The following PATJ variants were observed in gnomAD, a reference collection of about 807,000 sequenced individuals.
PATJ encodes the protein PATJ crumbs cell polarity complex component, also known as inaD-like protein.
A neutral mutation model predicts 224.9 loss-of-function variants in PATJ; 190 were observed. That is an observed-to-expected ratio of 0.84 (90% CI 0.75 to 0.95). The LOEUF (loss-of-function observed/expected upper bound fraction) is 0.95. Among genes scored for constraint, PATJ ranks in the 40% least tolerant of loss-of-function variants. The pLI is 0.00. For missense variants in PATJ, 2,121 were observed against 2,270.3 expected (o/e 0.93, Z 1.34); for synonymous variants, 769 against 820.3 (o/e 0.94, Z 1.07).
At chr1:61,960,823 G>A (rs1054413687) in intron 27 of PATJ, among the ~76,000 whole-genome samples, 1 of 151,956 alleles carries the variant, frequency 6.6e-6, no homozygotes, top group Admixed American at 6.6e-5. Flanking sequence ...CAGTGCTCTT[G>A]GCTTCATCCA....
intron 28 of PATJ, among the ~76,000 whole-genome samples, chr1:62,011,647 T>G (rs1342379444): frequency 6.6e-6 from 1 of 151,052 alleles, no homozygotes; most frequent in Non-Finnish European, 1.5e-5. Context: ...AGACAGGAAG[T>G]CAGCACATGC....
Position 61,938,571 on chromosome 1 carries a change from TG to T in PATJ, c.3670+10743del, listed in dbSNP as rs901544541. Among the ~76,000 whole-genome samples, 24 of 152,202 alleles carry T rather than the reference TG, an allele frequency of 1.6e-4. No homozygotes were observed. In the South Asian group the frequency reaches 3.3e-3, roughly 21 times the overall value. The stretch of plus-strand genomic sequence containing the variant: ...AAAAAACAAACTAACAGTAATAGGC[TG>T]TGTGTGGTGGCTCACACCTGTAATT... On this transcript the variant is annotated intron_variant, in intron 27 of 43. Coordinates refer to ENST00000642238, the MANE Select transcript of PATJ (RefSeq NM_001350145.3).
At chr1:61,960,679 A>G (rs1681146750) in intron 27 of PATJ, among the ~76,000 whole-genome samples, 2 of 151,910 alleles carry the variant, frequency 1.3e-5, no homozygotes, top group African/African-American at 4.8e-5. Flanking sequence ...AAAAAAAAAA[A>G]GTTTTACCTT....
chr1:61,824,957 A>G (rs1462770039), intron 15 of PATJ, among the ~76,000 whole-genome samples: 1 of 152,164 alleles, frequency 6.6e-6, no homozygotes, highest in Non-Finnish European at 1.5e-5. Context: ...ATTCTTAAAT[A>G]TAGATAATCT....
chr1:61,847,987 T>A lies in PATJ; in HGVS notation c.2113-8043T>A, dbSNP rs540787201. On this transcript the variant is annotated intron_variant, in intron 17 of 43. Transcript: ENST00000642238. ...CTTTTTGAGTTTTGTGACCAAAATGTACATCAATTTCATTGCTGATGCAGT... is the reference window on the plus strand; with the variant it reads ...CTTTTTGAGTTTTGTGACCAAAATGAACATCAATTTCATTGCTGATGCAGT... 2.6e-5 allele frequency among the ~76,000 whole-genome samples: 4 copies of A among 152,344 alleles called. No homozygotes were observed. In the East Asian group the frequency reaches 7.7e-4, roughly 29 times the overall value.
intron 29 of PATJ, among the ~76,000 whole-genome samples, chr1:62,032,837 G>A (rs1649587534): frequency 6.6e-6 from 1 of 152,126 alleles, no homozygotes; most frequent in Admixed American, 6.5e-5. Flanking sequence ...GCGTGTCTGG[G>A]GGGGCCTCAA....
intron 27 of PATJ, among the ~76,000 whole-genome samples, chr1:61,978,419 C>T (rs906470078): frequency 1.3e-5 from 2 of 151,228 alleles, no homozygotes; most frequent in African/African-American, 2.5e-5. Context: ...GCATGTGCTA[C>T]CATGCCCAGC....
chr1:61,800,355 G>C (rs1323228345), intron 11 of PATJ, among the ~76,000 whole-genome samples: 1 of 152,146 alleles, frequency 6.6e-6, no homozygotes, highest in African/African-American at 2.4e-5. Context: ...AGGATTGTTA[G>C]TTTGCTGGCT....
chr1:62,104,370 C>G (rs1048707788), intron 33 of PATJ, among the ~76,000 whole-genome samples: 27 of 152,212 alleles, frequency 1.8e-4, no homozygotes, highest in African/African-American at 6.3e-4. Flanking sequence ...CTCTTCTGTT[C>G]CACTCTCTGA....
At chr1:62,156,054 T>TAAA (rs34300724) in intron 43 of PATJ, among the ~76,000 whole-genome samples, 2,821 of 43,026 alleles carry the variant, frequency 0.066, 435 homozygotes, top group East Asian at 0.11. Flanking sequence ...CAAGACTCTG[T>TAAA]AAAAAAAAAA....
chr1:62,104,588 CAAACAAAA>C (rs1019898922), intron 33 of PATJ, among the ~76,000 whole-genome samples: 9 of 151,976 alleles, frequency 5.9e-5, no homozygotes, highest in Non-Finnish European at 1.0e-4. Flanking sequence ...ACAAAACAAA[CAAACAAAA>C]AAAGAAATGT....
chr1:61,883,251 A>G (rs1571094955), intron 21 of PATJ, among the ~76,000 whole-genome samples: 1 of 152,232 alleles, frequency 6.6e-6, no homozygotes, highest in Non-Finnish European at 1.5e-5. Flanking sequence ...ATACTTCTCA[A>G]GCTTATTATG....
At chr1:61,975,958 T>C (rs1039636282) in intron 27 of PATJ, among the ~76,000 whole-genome samples, 4 of 152,060 alleles carry the variant, frequency 2.6e-5, no homozygotes, top group Admixed American at 2.6e-4. Flanking sequence ...TTTCAAATTA[T>C]TTTCTATTAC....
chr1:62,152,008 A>G (rs1668684455), intron 42 of PATJ, among the ~76,000 whole-genome samples: 1 of 152,108 alleles, frequency 6.6e-6, no homozygotes, highest in South Asian at 2.1e-4. Context: ...TACATTTGAA[A>G]CAGATTTTCT....
chr1:61,953,456 A>G (rs1680011084), intron 27 of PATJ, among the ~76,000 whole-genome samples: 1 of 152,226 alleles, frequency 6.6e-6, no homozygotes, highest in African/African-American at 2.4e-5. Flanking sequence ...TGTTTAAAAT[A>G]TAATTTCTGA....
chr1:61,958,315 A>G (rs1680720120), intron 27 of PATJ, among the ~76,000 whole-genome samples: 1 of 152,178 alleles, frequency 6.6e-6, no homozygotes, highest in African/African-American at 2.4e-5. Context: ...CCCTTGCTGT[A>G]AAGAAGTTAA....
At chr1:61,991,074 G>GAAACAGAAAAAGAGATGAATACATCC (rs1386035999) in intron 28 of PATJ, among the ~76,000 whole-genome samples, 8 of 152,134 alleles carry the variant, frequency 5.3e-5, no homozygotes, top group African/African-American at 1.7e-4. Context: ...ATTAGGACCA[G>GAAACAGAAAAAGAGATGAATACATCC]AAACAGAAAA....
At chr1:62,047,004 A>G (rs1570310190) in intron 30 of PATJ, among the ~76,000 whole-genome samples, 1 of 152,238 alleles carries the variant, frequency 6.6e-6, no homozygotes, top group Non-Finnish European at 1.5e-5. Context: ...TTCATTTTAT[A>G]AAGACCAAGA....
At chr1:61,830,509 C>T (rs1283445673) in intron 16 of PATJ, among the ~76,000 whole-genome samples, 1 of 151,912 alleles carries the variant, frequency 6.6e-6, no homozygotes, top group Non-Finnish European at 1.5e-5. Flanking sequence ...TAAAATTTTT[C>T]TAAATTTTAA....
Sources: gnomAD v4.1 joint callset for allele counts (sites outside exome capture counted in the v4.1 genomes callset) on GRCh38, gnomAD v4.1.1 for gene constraint, MANE v1.5 for transcripts, NCBI Gene and HGNC (gene_info 2026-07-23, HGNC 2026-07-21) for gene names.